Variants in PTN observed in about 807,000 individuals in gnomAD.
The protein encoded by PTN is pleiotrophin, also known as heparin affin regulatory protein.
In PTN, 18 loss-of-function variants were observed where a neutral mutation model predicts 24.1. That is an observed-to-expected ratio of 0.75 (90% CI 0.52 to 1.11). PTN has a LOEUF of 1.11. Among genes scored for constraint, PTN ranks in the 50% least tolerant of loss-of-function variants. The pLI, the probability that PTN is intolerant of heterozygous loss-of-function variation, is 0.00. For synonymous variants in PTN, 78 were observed against 68.6 expected, an observed-to-expected ratio of 1.14 and a Z score of -0.67; for missense variants, 163 against 198.8, an observed-to-expected ratio of 0.82 and a Z score of 1.08.
intron 3 of PTN, 80 bp downstream of exon 3, chr7:137,253,384 T>G: frequency 4.3e-6 from 6 of 1,401,682 alleles, no homozygotes; most frequent in Non-Finnish European, 5.8e-6. Flanking sequence ...TAAAAAGTAC[T>G]TATCCTTAAA....
intron 1 of PTN, among the ~76,000 whole-genome samples, chr7:137,330,301 G>A (rs1810330497): frequency 6.6e-6 from 1 of 151,928 alleles, no homozygotes; most frequent in African/African-American, 2.4e-5. Flanking sequence ...AAATGAAGAA[G>A]ATGGAGAAGG....
At chr7:137,279,464 T>G (rs1332477727) in intron 1 of PTN, among the ~76,000 whole-genome samples, 1 of 152,172 alleles carries the variant, frequency 6.6e-6, no homozygotes, top group East Asian at 1.9e-4. Flanking sequence ...TCATAGAATT[T>G]CAGAAAAGCT....
chr7:137,298,549 C>G (rs1809755656), intron 1 of PTN, among the ~76,000 whole-genome samples: 1 of 151,702 alleles, frequency 6.6e-6, no homozygotes, highest in Admixed American at 6.6e-5. Context: ...GAGATCTGGT[C>G]AAAATTCTGT....
chr7:137,335,921 C>T (rs1203253515), intron 1 of PTN, among the ~76,000 whole-genome samples: 2 of 136,522 alleles, frequency 1.5e-5, no homozygotes, highest in African/African-American at 2.8e-5. Context: ...TTTAAGATGT[C>T]TTCTCGCTTT....
intron 1 of PTN, among the ~76,000 whole-genome samples, chr7:137,305,152 G>A (rs1213784513): frequency 2.0e-5 from 3 of 151,948 alleles, no homozygotes; most frequent in African/African-American, 2.4e-5. Context: ...GAATGTTAGC[G>A]ATTAAAATAT....
intron 4 of PTN, among the ~76,000 whole-genome samples, chr7:137,229,489 T>C (rs1177323751): frequency 2.0e-5 from 3 of 151,784 alleles, no homozygotes; most frequent in South Asian, 2.1e-4. Context: ...AACTTTTCCA[T>C]TTCTATATAC....
At chr7:137,275,919 A>G (rs757593704) in intron 1 of PTN, among the ~76,000 whole-genome samples, 2 of 152,240 alleles carry the variant, frequency 1.3e-5, no homozygotes, top group Non-Finnish European at 2.9e-5. Context: ...CATTTCTAAT[A>G]ACTGGTGGCT....
chr7:137,232,767 C>A (rs1373591396), intron 4 of PTN, among the ~76,000 whole-genome samples: 1 of 151,930 alleles, frequency 6.6e-6, no homozygotes, highest in Admixed American at 6.6e-5. Context: ...AAGGGCAGGA[C>A]CAGATGGAGG....
At chr7:137,253,793 C>T (rs1808870695) in intron 2 of PTN, among the ~76,000 whole-genome samples, 156 bp from the exon 3 acceptor site, 1 of 152,012 alleles carries the variant, frequency 6.6e-6, no homozygotes, top group Admixed American at 6.6e-5. Flanking sequence ...TGAATATTAA[C>T]CAAATTATTG....
intron 1 of PTN, among the ~76,000 whole-genome samples, chr7:137,263,217 CTTA>C (rs1052700143): frequency 1.5e-4 from 23 of 152,106 alleles, no homozygotes; most frequent in Admixed American, 1.3e-4. Context: ...TATTATAACT[CTTA>C]TTATAAGAGT....
chr7:137,251,207 G>C, intron 4 of PTN, 23 bp downstream of exon 4: 1 of 1,610,272 alleles, frequency 6.2e-7, no homozygotes, highest in Non-Finnish European at 8.5e-7. Flanking sequence ...CATTAAAATT[G>C]TGGTATAATG....
chr7:137,250,428 A>G (rs533053910), intron 4 of PTN, among the ~76,000 whole-genome samples: 1 of 152,116 alleles, frequency 6.6e-6, no homozygotes, highest in Non-Finnish European at 1.5e-5. Flanking sequence ...GCTGCACTGG[A>G]TTAGGGCCTA....
chr7:137,274,261 G>A (rs1037728124), intron 1 of PTN, among the ~76,000 whole-genome samples: 1 of 151,952 alleles, frequency 6.6e-6, no homozygotes, highest in African/African-American at 2.4e-5. Flanking sequence ...TGACTTCCTT[G>A]TAAAAGTCCA....
chr7:137,287,087 A>G lies in PTN; in HGVS notation c.-1-32113T>C, dbSNP rs969208988. On this transcript the variant is annotated intron_variant, in intron 1 of 4. Transcript: ENST00000348225. Reference sequence around the variant, plus strand: ...AAAAACCCTCATTCGTGTTTCATGAACGTAATCATCAGCTATCCCATTTCA... The same window carrying G: ...AAAAACCCTCATTCGTGTTTCATGAGCGTAATCATCAGCTATCCCATTTCA... 3.9e-4 allele frequency among the ~76,000 whole-genome samples: 59 copies of G among 152,306 alleles called. 1 individual carries two copies. The highest frequency in any genetic ancestry group is 3.9e-3 in the Admixed American group (59 of 15,292).
chr7:137,253,878 C>T (rs999924988), intron 2 of PTN, among the ~76,000 whole-genome samples: 2 of 152,188 alleles, frequency 1.3e-5, no homozygotes, highest in South Asian at 2.1e-4. Context: ...TGAACTCCCT[C>T]TTACTATGTG....
At chr7:137,295,398 A>T (rs1165325968) in intron 1 of PTN, among the ~76,000 whole-genome samples, 1 of 152,108 alleles carries the variant, frequency 6.6e-6, no homozygotes, top group Non-Finnish European at 1.5e-5. Flanking sequence ...GATGTGAGCT[A>T]GGAGTACGTT....
rs376826731 is a variant in PTN, at chr7:137,294,105, A to G, written c.-1-39131T>C. ...TCCTAGAAAGGAATAATACTCATTT[A>G]GGCAAAAATTTAGATACATAAAGCC... On this transcript the variant is annotated intron_variant, in intron 1 of 4. Transcript: ENST00000348225. Among the ~76,000 whole-genome samples, 310 of 152,292 alleles carry G rather than the reference A, an allele frequency of 2.0e-3. 2 individuals carry two copies. Among genetic ancestry groups the G allele is most frequent in the African/African-American group, 7.0e-3 (290 of 41,592 alleles).
chr7:137,320,502 C>T (rs1164403971), intron 1 of PTN, among the ~76,000 whole-genome samples: 6 of 152,116 alleles, frequency 3.9e-5, no homozygotes, highest in Admixed American at 3.9e-4. Context: ...CAGTGACTTG[C>T]ATTTATTATA....
intron 1 of PTN, among the ~76,000 whole-genome samples, chr7:137,255,671 C>G (rs17169007): frequency 0.018 from 2,706 of 152,288 alleles, 38 homozygotes; most frequent in East Asian, 0.082. Context: ...AGTCTTTACA[C>G]TCACTCATAA....
Sources: allele counts gnomAD v4.1 joint callset (sites outside exome capture counted in the v4.1 genomes callset), GRCh38; gene constraint gnomAD v4.1.1; transcripts MANE v1.5; gene names NCBI Gene and HGNC (gene_info 2026-07-23, HGNC 2026-07-21).